Variants in DPF3 observed in about 807,000 individuals in gnomAD.
DPF3 encodes zinc finger protein DPF3.
Under a neutral mutation model 56.8 loss-of-function variants are expected in DPF3, and 18 were observed. The observed-to-expected ratio is 0.32, with a 90% confidence interval of 0.22 to 0.47. The LOEUF (loss-of-function observed/expected upper bound fraction) is 0.47, where lower values mean the gene tolerates loss of function less well. DPF3 is among the 20% of genes least tolerant of loss of function. The pLI is 1.00. For synonymous variants in DPF3, 188 were observed against 180.2 expected, an observed-to-expected ratio of 1.04 and a Z score of -0.35; for missense variants, 403 against 488.8, an observed-to-expected ratio of 0.82 and a Z score of 1.65.
intron 1 of DPF3, among the ~76,000 whole-genome samples, chr14:72,871,331 T>G (rs1433983967): frequency 6.6e-6 from 1 of 152,182 alleles, no homozygotes; most frequent in Non-Finnish European, 1.5e-5. Flanking sequence ...AAAGTCTTAA[T>G]TCATTTCAGC....
rs115729598 is a variant in DPF3, at chr14:72,667,138, T to A, written c.871+7102A>T. On this transcript the variant is annotated intron_variant, in intron 8 of 10. Coordinates refer to ENST00000556509, the MANE Select transcript of DPF3 (RefSeq NM_001280542.3). ...TTGATGTGAACATCACATTTTTTTT[T>A]ATTAAATTCTTCTCTCTAAAATACC... Among the ~76,000 whole-genome samples, 1,499 of 152,310 alleles carry A rather than the reference T, an allele frequency of 9.8e-3. 36 individuals carry two copies. Among genetic ancestry groups the A allele is most frequent in the African/African-American group, 0.035 (1,452 of 41,560 alleles).
At chr14:72,806,189 G>C (rs952052984) in intron 1 of DPF3, 9 of 152,082 alleles carry the variant, frequency 5.9e-5, no homozygotes, top group Admixed American at 5.9e-4. Flanking sequence ...CCCTCTACCC[G>C]TTCCCCTCAG....
chr14:72,856,574 A>G (rs1230278856), intron 1 of DPF3, among the ~76,000 whole-genome samples: 1 of 152,212 alleles, frequency 6.6e-6, no homozygotes, highest in Non-Finnish European at 1.5e-5. Context: ...CCGCTGGAGC[A>G]TGGATCCCAC....
intron 3 of DPF3, among the ~76,000 whole-genome samples, chr14:72,740,525 C>T (rs1045348723): frequency 7.9e-5 from 12 of 152,166 alleles, no homozygotes; most frequent in African/African-American, 2.7e-4. Context: ...GGGAGCAGTG[C>T]CCTGAGCAGG....
chr14:72,646,702 T>C (rs1303743503), intron 8 of DPF3, among the ~76,000 whole-genome samples: 2 of 152,210 alleles, frequency 1.3e-5, no homozygotes, highest in African/African-American at 2.4e-5. Flanking sequence ...CTTGCCTCCA[T>C]GCGGAATTTT....
At chr14:72,691,949 T>G (rs531130493) in intron 7 of DPF3, among the ~76,000 whole-genome samples, 1 of 152,056 alleles carries the variant, frequency 6.6e-6, no homozygotes, top group Non-Finnish European at 1.5e-5. Context: ...GGTTTTCTTA[T>G]GAGAACCCTA....
intron 1 of DPF3, among the ~76,000 whole-genome samples, chr14:72,772,644 C>T (rs1313807780): frequency 2.6e-5 from 4 of 152,170 alleles, no homozygotes; most frequent in African/African-American, 7.2e-5. Context: ...GTATATTTTA[C>T]GTTCCTGACT....
intron 4 of DPF3, among the ~76,000 whole-genome samples, chr14:72,729,043 T>G (rs745623419): frequency 6.6e-6 from 1 of 151,414 alleles, no homozygotes; most frequent in Non-Finnish European, 1.5e-5. Flanking sequence ...CAGTCAGGAG[T>G]TCGAGACCAG....
chr14:72,782,227 A>ATTT (rs66977010), intron 1 of DPF3, among the ~76,000 whole-genome samples: 15 of 139,752 alleles, frequency 1.1e-4, no homozygotes, highest in African/African-American at 3.7e-4. Context: ...AGCCCAAGTG[A>ATTT]TTTTTTTTTT....
At chr14:72,785,940 G>C (rs1401878039) in intron 1 of DPF3, among the ~76,000 whole-genome samples, 1 of 152,200 alleles carries the variant, frequency 6.6e-6, no homozygotes, top group African/African-American at 2.4e-5. Context: ...ACACTGTCTA[G>C]TCTGGTGCCT....
chr14:72,740,693 T>A (rs1386214119), intron 3 of DPF3, among the ~76,000 whole-genome samples: 1 of 152,190 alleles, frequency 6.6e-6, no homozygotes, highest in Non-Finnish European at 1.5e-5. Context: ...GGGAAAAAGA[T>A]CTAGCCACAT....
intron 1 of DPF3, among the ~76,000 whole-genome samples, chr14:72,820,439 T>G (rs1472319115): frequency 6.6e-6 from 1 of 152,182 alleles, no homozygotes; most frequent in South Asian, 2.1e-4. Flanking sequence ...TTTGTTTTTG[T>G]TTTTTGCTTT....
rs576723570 is a variant in DPF3, at chr14:72,736,720, T to C, written c.302-4786A>G. Among the ~76,000 whole-genome samples, 6 of 152,284 alleles carry C rather than the reference T, an allele frequency of 3.9e-5. No homozygotes were observed. The East Asian group carries it at 1.2e-3, about 29-fold the overall frequency. On this transcript the variant is annotated intron_variant, in intron 3 of 10. Transcript: ENST00000556509. ...CTATTGAGCCCTTAGGGATTTCATT[T>C]ATCCAATTTTATTTGAATATGGCCC...
chr14:72,683,336 A>AAAG lies in DPF3; in HGVS notation c.743-8969_743-8968insCTT, dbSNP rs1206900138. On this transcript the variant is annotated intron_variant, in intron 7 of 10. Coordinates refer to ENST00000556509, the MANE Select transcript of DPF3 (RefSeq NM_001280542.3). The stretch of plus-strand genomic sequence containing the variant: ...AACAAGACCCCATCTCAAAAAAAAA[A>AAAG]AAAAAAAAAGCAAATTCCAGGGCCT... Among the ~76,000 whole-genome samples the AAAG allele has an allele frequency of 4.7e-3, 709 of 151,632 alleles. 9 individuals are homozygous for AAAG. Among genetic ancestry groups the AAAG allele is most frequent in the African/African-American group, 0.016 (669 of 41,240 alleles).
At chr14:72,748,649 G>C (rs1890427245) in intron 3 of DPF3, among the ~76,000 whole-genome samples, 1 of 152,184 alleles carries the variant, frequency 6.6e-6, no homozygotes, top group Non-Finnish European at 1.5e-5. Context: ...AGAAAGAAAT[G>C]GTTGTGTGAG....
At chr14:72,645,643 C>G (rs1339466368) in intron 8 of DPF3, among the ~76,000 whole-genome samples, 1 of 152,174 alleles carries the variant, frequency 6.6e-6, no homozygotes, top group Non-Finnish European at 1.5e-5. Flanking sequence ...TTGCCTGCAG[C>G]ATGAAGTAAG....
chr14:72,776,235 G>A (rs1269437112), intron 1 of DPF3, among the ~76,000 whole-genome samples: 2 of 152,170 alleles, frequency 1.3e-5, no homozygotes, highest in East Asian at 3.8e-4. Context: ...ACAAGGCAGG[G>A]TAGAATGATG....
rs1413200702 is a variant in DPF3, at chr14:72,619,942, T to G, written c.1027A>C (p.Met343Leu). 6.5e-7 allele frequency: 1 copy of G among 1,535,668 alleles called. No individual in the cohort carries two copies. ...FCDDCDRGYH[M>L]YCLNPPVAEP... ...GCCACCGGGGGATTTAAACAGTACA[T>G]GTGATAGCCTCGGTCACAGTCATCG... The change falls in exon 10 of 11, where the codon ATG (methionine) becomes CTG (leucine). Residue 343 changes from methionine (M) to leucine (L), a missense_variant. This residue lies in a region of DPF3 where 63 missense variants were observed against 114.4 expected (regional missense o/e 0.55). Coordinates refer to ENST00000556509, the MANE Select transcript of DPF3 (RefSeq NM_001280542.3).
At chr14:72,663,913 T>C (rs993497209) in intron 8 of DPF3, among the ~76,000 whole-genome samples, 5 of 152,092 alleles carry the variant, frequency 3.3e-5, no homozygotes, top group African/African-American at 1.2e-4. Flanking sequence ...CTGGATTAGA[T>C]GCTCTTCCAA....
Sources: allele counts gnomAD v4.1 joint callset (sites outside exome capture counted in the v4.1 genomes callset), GRCh38; gene constraint gnomAD v4.1.1; regional missense constraint gnomAD v4.1.1; transcripts MANE v1.5; gene names NCBI Gene and HGNC (gene_info 2026-07-23, HGNC 2026-07-21).